Variants in RALB observed in about 807,000 individuals in gnomAD.
RALB encodes the protein ras-related protein Ral-B.
A neutral mutation model predicts 21.3 loss-of-function variants in RALB; 16 were observed. That is an observed-to-expected ratio of 0.75 (90% CI 0.51 to 1.14). The LOEUF (loss-of-function observed/expected upper bound fraction) is 1.14. RALB is among the 50% of genes most tolerant of loss of function. RALB has a pLI of 0.00. For synonymous variants in RALB, 93 were observed against 96.1 expected (o/e 0.97, Z 0.19); for missense variants, 161 against 256.2 (o/e 0.63, Z 2.54).
At chr2:120,289,461 T>C in intron 3 of RALB, 119 bp from the exon 4 acceptor site, 2 of 1,048,174 alleles carry the variant, frequency 1.9e-6, no homozygotes, top group Non-Finnish European at 2.9e-6. Flanking sequence ...ATGCCCTAAA[T>C]CTAGTGATTT....
chr2:120,276,359 G>A (rs1315071996), intron 1 of RALB, among the ~76,000 whole-genome samples: 1 of 152,150 alleles, frequency 6.6e-6, no homozygotes, highest in Non-Finnish European at 1.5e-5. Context: ...CCAGCATTTT[G>A]GGAGGCTGAG....
intron 1 of RALB, among the ~76,000 whole-genome samples, chr2:120,271,203 C>T (rs1444182596): frequency 6.6e-6 from 1 of 152,180 alleles, no homozygotes; most frequent in African/African-American, 2.4e-5. Flanking sequence ...CTAGTAGAAA[C>T]CACCTCTTCC....
chr2:120,291,014 G>A (rs1015724086), intron 4 of RALB, among the ~76,000 whole-genome samples: 12 of 152,168 alleles, frequency 7.9e-5, no homozygotes, highest in Non-Finnish European at 1.6e-4. Context: ...TCTTTCTTGT[G>A]CAGAAACATT....
At chr2:120,268,939 T>TG (rs1303252521) in intron 1 of RALB, among the ~76,000 whole-genome samples, 1 of 151,560 alleles carries the variant, frequency 6.6e-6, no homozygotes, top group Non-Finnish European at 1.5e-5. Flanking sequence ...AACAAACAAT[T>TG]TTTTTAAACA....
At chr2:120,252,402 T>A (rs1487135236), upstream of RALB, among the ~76,000 whole-genome samples, 1 of 152,124 alleles carries the variant, frequency 6.6e-6, no homozygotes, top group African/African-American at 2.4e-5. Flanking sequence ...GGCATCCCCA[T>A]CGCCGCGCTC....
chr2:120,261,181 G>A (rs1344133225), intron 1 of RALB, among the ~76,000 whole-genome samples: 1 of 152,174 alleles, frequency 6.6e-6, no homozygotes, highest in Non-Finnish European at 1.5e-5. Flanking sequence ...ACACACGCAT[G>A]TGTGAATCTT....
intron 1 of RALB, among the ~76,000 whole-genome samples, chr2:120,244,353 GAGCTGCCGCTC>G (rs1226128449): frequency 2.7e-5 from 4 of 150,296 alleles, no homozygotes; most frequent in Non-Finnish European, 4.4e-5. Flanking sequence ...GCCTTGGTTG[GAGCTGCCGCTC>G]AGCTCAGTGG....
chr2:120,285,854 G>A lies in RALB; in HGVS notation c.115-20G>A, dbSNP rs1443915210. On this transcript the variant is annotated intron_variant, in intron 2 of 4. Coordinates refer to ENST00000272519, the MANE Select transcript of RALB (RefSeq NM_002881.3). Reference sequence around the variant, plus strand: ...TCCCCTTAAGACTTTGTTAATTACCGATAATGTTTATTTCCTCAGTTTGTA... The same window carrying A: ...TCCCCTTAAGACTTTGTTAATTACCAATAATGTTTATTTCCTCAGTTTGTA... 3.7e-6 allele frequency: 6 copies of A among 1,600,116 alleles called. No homozygotes were observed. The highest frequency in any genetic ancestry group is 5.1e-6 in the Non-Finnish European group (6 of 1,167,964).
chr2:120,278,607 G>C lies in RALB; in HGVS notation c.-47-11G>C, dbSNP rs1024006448. ...AAATCGCCTCTAAGTCTTTGTCTTT[G>C]TCATCAGCAGCTCTTCAGTGGGTCA... On this transcript the variant is annotated splice_polypyrimidine_tract_variant and intron_variant, in intron 1 of 4. Transcript: ENST00000272519. The C allele has an allele frequency of 1.3e-5, 19 of 1,465,680 alleles. No homozygotes were observed. The highest frequency in any genetic ancestry group is 2.5e-5 in the Admixed American group (1 of 39,268). The allele number at this position is 1,465,680 out of a possible 1,614,324, so 90.8% of individuals were successfully genotyped here.
intron 1 of RALB, among the ~76,000 whole-genome samples, chr2:120,257,502 A>G (rs892698660): frequency 4.4e-4 from 44 of 99,116 alleles, no homozygotes; most frequent in Non-Finnish European, 7.9e-4. Context: ...TGAAAATTCT[A>G]TGATCCTTAT....
intron 1 of RALB, among the ~76,000 whole-genome samples, chr2:120,277,829 A>G (rs1689863855): frequency 8.4e-6 from 1 of 119,682 alleles, no homozygotes; most frequent in South Asian, 2.5e-4. Context: ...AAGTGTGTGA[A>G]TATGTGTGTT....
intron 3 of RALB, among the ~76,000 whole-genome samples, chr2:120,288,344 T>TTG (rs1380165072): frequency 1.2e-4 from 17 of 139,556 alleles, no homozygotes; most frequent in Non-Finnish European, 2.7e-4. Flanking sequence ...AAATTTTAGT[T>TTG]TTTTTTTTTG....
At chr2:120,289,238 C>CTTTTT (rs1188115492) in intron 3 of RALB, among the ~76,000 whole-genome samples, 1 of 101,168 alleles carries the variant, frequency 9.9e-6, no homozygotes, top group African/African-American at 3.2e-5. Context: ...CATTTTTCTT[C>CTTTTT]TTTTTGTTTT....
At chr2:120,277,054 GC>G (rs2104629646) in intron 1 of RALB, among the ~76,000 whole-genome samples, 1 of 152,294 alleles carries the variant, frequency 6.6e-6, no homozygotes, top group African/African-American at 2.4e-5. Flanking sequence ...TACTTGGGAT[GC>G]TTTGTTGTCC....
chr2:120,248,028 G>A (rs1688999112), upstream of RALB, among the ~76,000 whole-genome samples: 1 of 152,200 alleles, frequency 6.6e-6, no homozygotes. Context: ...AGCAGGAAGT[G>A]AGGCGAGAAC....
intron 4 of RALB, among the ~76,000 whole-genome samples, chr2:120,292,340 G>A (rs1042116756): frequency 1.3e-5 from 2 of 152,150 alleles, no homozygotes; most frequent in Non-Finnish European, 2.9e-5. Flanking sequence ...AGTTGTTGAT[G>A]CTTTACGCCC....
chr2:120,244,456 G>A (rs1207380818), intron 1 of RALB, among the ~76,000 whole-genome samples: 2 of 152,232 alleles, frequency 1.3e-5, no homozygotes, highest in Non-Finnish European at 2.9e-5. Flanking sequence ...TGTGCTGTGT[G>A]TCTCGCAGAG....
intron 1 of RALB, among the ~76,000 whole-genome samples, chr2:120,273,692 G>T (rs1466765536): frequency 6.6e-6 from 1 of 152,246 alleles, no homozygotes; most frequent in African/African-American, 2.4e-5. Flanking sequence ...ACGCCGACCT[G>T]TAAGACCAGA....
rs1001591280 is a variant in RALB at position 120,253,801 on chromosome 2, G to A, written c.-48+821G>A. On this transcript the variant is annotated intron_variant, in intron 1 of 4. Transcript: ENST00000272519. ...AATTGGCCGTGGAAGAGACTTGGCT[G>A]ATTGCTCATCTGGGTTACCTGTGAC... 268 of 771,686 alleles carry A rather than the reference G, an allele frequency of 3.5e-4. 1 individual carries two copies. The highest frequency in any genetic ancestry group is 4.1e-4 in the Non-Finnish European group (260 of 635,118). 47.8% of individuals were successfully genotyped at this position (771,686 alleles called of 1,614,324 possible).
Sources: allele counts gnomAD v4.1 joint callset (sites outside exome capture counted in the v4.1 genomes callset), GRCh38; gene constraint gnomAD v4.1.1; transcripts MANE v1.5; gene names NCBI Gene and HGNC (gene_info 2026-07-23, HGNC 2026-07-21).